Variants in GRM5 observed in about 807,000 individuals in gnomAD.
The protein encoded by GRM5 is metabotropic glutamate receptor 5.
Under a neutral mutation model 83.1 loss-of-function variants are expected in GRM5, and 19 were observed. That is an observed-to-expected ratio of 0.23 (90% confidence interval 0.16 to 0.34). The LOEUF (loss-of-function observed/expected upper bound fraction) is 0.34. Among genes scored for constraint, GRM5 ranks in the 10% least tolerant of loss-of-function variants. The pLI is 1.00. For synonymous variants in GRM5, 675 were observed against 633.6 expected (o/e 1.07, Z -0.98); for missense variants, 1,160 against 1,588.3 (o/e 0.73, Z 4.58).
At chr11:88,713,476 AGTT>A (rs1941327074) in intron 3 of GRM5, among the ~76,000 whole-genome samples, 1 of 152,030 alleles carries the variant, frequency 6.6e-6, no homozygotes, top group African/African-American at 2.4e-5. Context: ...AATGCTGACG[AGTT>A]GTTTATTATT....
rs573608627 is a variant in GRM5 at position 88,809,562 on chromosome 11, T to C, written c.911+40344A>G. On this transcript the variant is annotated intron_variant, in intron 3 of 9. Coordinates refer to ENST00000305447, the MANE Select transcript of GRM5 (RefSeq NM_001143831.3). Reference sequence around the variant, plus strand: ...GTAGGCATGATTAACTTTGCTATATTCTAGAAAATGGAAACCCAGTGATAT... The same window carrying C: ...GTAGGCATGATTAACTTTGCTATATCCTAGAAAATGGAAACCCAGTGATAT... 2.0e-5 allele frequency among the ~76,000 whole-genome samples: 3 copies of C among 152,164 alleles called. No homozygotes were observed. In the South Asian group the frequency reaches 6.2e-4, roughly 32 times the overall value.
intron 3 of GRM5, among the ~76,000 whole-genome samples, chr11:88,735,866 G>T (rs897033263): frequency 6.6e-6 from 1 of 152,040 alleles, no homozygotes; most frequent in East Asian, 1.9e-4. Context: ...CCAAGATCAT[G>T]AAGTGGTGTA....
intron 3 of GRM5, among the ~76,000 whole-genome samples, chr11:88,787,906 G>A (rs112816427): frequency 4.3e-4 from 66 of 152,262 alleles, no homozygotes; most frequent in Non-Finnish European, 8.5e-4. Flanking sequence ...TGATATCCAA[G>A]TGGAGATGTC....
At chr11:88,558,041 C>T (rs1342422795) in intron 8 of GRM5, among the ~76,000 whole-genome samples, 1 of 152,066 alleles carries the variant, frequency 6.6e-6, no homozygotes, top group Non-Finnish European at 1.5e-5. Context: ...ATTGATCTCC[C>T]CCACTACTCT....
chr11:89,023,887 AAATAAAT>A lies in GRM5; in HGVS notation c.661+23318_661+23324del, dbSNP rs1941058123. Among the ~76,000 whole-genome samples, 7 of 148,970 alleles carry A rather than the reference AAATAAAT, an allele frequency of 4.7e-5. No homozygotes were observed. In the South Asian group the frequency reaches 1.3e-3, roughly 27 times the overall value. ...TAAATAAATAAATAAATAAATAAATAAATAAATAAAAATAAATTTTAAAATAATGATC... is the reference window on the plus strand; with the variant it reads ...TAAATAAATAAATAAATAAATAAATAAAAAATAAATTTTAAAATAATGATC... On this transcript the variant is annotated intron_variant, in intron 2 of 9. Coordinates refer to ENST00000305447, the MANE Select transcript of GRM5 (RefSeq NM_001143831.3).
chr11:88,612,763 C>T (rs1938360057), intron 4 of GRM5: 1 of 152,300 alleles, frequency 6.6e-6, no homozygotes, highest in African/African-American at 2.4e-5. Context: ...GCATAAATGT[C>T]TTCTTTTGAG....
At chr11:88,713,170 A>C (rs1014501673) in intron 3 of GRM5, among the ~76,000 whole-genome samples, 3 of 152,064 alleles carry the variant, frequency 2.0e-5, no homozygotes, top group Non-Finnish European at 4.4e-5. Flanking sequence ...TAGTTTAAAA[A>C]AACAAATATT....
At chr11:89,059,052 T>G (rs914993511) in intron 1 of GRM5, among the ~76,000 whole-genome samples, 1 of 152,162 alleles carries the variant, frequency 6.6e-6, no homozygotes, top group Non-Finnish European at 1.5e-5. Context: ...ATAATGAATG[T>G]AAGAAGGTTG....
chr11:88,574,555 T>G (rs900939721), intron 7 of GRM5, among the ~76,000 whole-genome samples: 3 of 152,082 alleles, frequency 2.0e-5, no homozygotes, highest in African/African-American at 7.2e-5. Flanking sequence ...GATCACAAGG[T>G]CAGGAGTTCA....
chr11:88,815,902 C>CATGA (rs2135502786), intron 3 of GRM5, among the ~76,000 whole-genome samples: 1 of 152,226 alleles, frequency 6.6e-6, no homozygotes, highest in African/African-American at 2.4e-5. Context: ...TCAGAGGCTT[C>CATGA]AGCCCCTGCC....
chr11:89,006,624 C>G (rs1278847362), intron 2 of GRM5, among the ~76,000 whole-genome samples: 1 of 152,206 alleles, frequency 6.6e-6, no homozygotes, highest in Non-Finnish European at 1.5e-5. Flanking sequence ...CATTTTCACG[C>G]CTTGCTTTCC....
chr11:88,589,926 A>C (rs1048461772), intron 7 of GRM5, among the ~76,000 whole-genome samples: 1 of 152,190 alleles, frequency 6.6e-6, no homozygotes, highest in African/African-American at 2.4e-5. Flanking sequence ...TTGAAGAAAA[A>C]TTGGAAGACA....
intron 2 of GRM5, among the ~76,000 whole-genome samples, chr11:88,900,958 A>C (rs1945304915): frequency 6.6e-6 from 1 of 152,168 alleles, no homozygotes; most frequent in African/African-American, 2.4e-5. Flanking sequence ...CTTCGATCCC[A>C]TATTTGAAGT....
At position 88,763,646 on chromosome 11, in the gene GRM5, TGTTATTAAA is replaced by T. The variant is rs1331757896; in HGVS notation, c.911+86251_911+86259del. ...TTGTTAAAAGAACAGAATCTCTATA[TGTTATTAAA>T]GTTATTAAAGTTAAACAGGTATAAA... On this transcript the variant is annotated intron_variant, in intron 3 of 9. Transcript: ENST00000305447. Among the ~76,000 whole-genome samples the T allele has an allele frequency of 8.6e-5, 13 of 151,948 alleles. No individual in the cohort carries two copies. The East Asian group carries it at 1.5e-3, about 18-fold the overall frequency.
chr11:89,051,485 A>G (rs887535354), intron 1 of GRM5, among the ~76,000 whole-genome samples: 28 of 151,980 alleles, frequency 1.8e-4, no homozygotes, highest in African/African-American at 5.8e-4. Flanking sequence ...CGAGGCGGGC[A>G]GTTCACTTGA....
intron 3 of GRM5, among the ~76,000 whole-genome samples, chr11:88,736,599 T>C (rs1271714676): frequency 2.6e-5 from 4 of 152,024 alleles, no homozygotes; most frequent in Admixed American, 1.3e-4. Context: ...GTTACAAATA[T>C]GTGAGTGTGA....
chr11:89,017,183 C>T (rs1390557708), intron 2 of GRM5, among the ~76,000 whole-genome samples: 5 of 152,054 alleles, frequency 3.3e-5, no homozygotes, highest in Non-Finnish European at 7.4e-5. Flanking sequence ...TCAGTGCATC[C>T]TTGTTCTGGT....
At chr11:88,951,388 C>T (rs529061217) in intron 2 of GRM5, among the ~76,000 whole-genome samples, 10 of 152,318 alleles carry the variant, frequency 6.6e-5, no homozygotes, top group Admixed American at 3.3e-4. Flanking sequence ...GAAGAACTTT[C>T]GCATACCGGG....
At chr11:89,028,489 AAG>A (rs1185905793) in intron 2 of GRM5, among the ~76,000 whole-genome samples, 3 of 152,140 alleles carry the variant, frequency 2.0e-5, no homozygotes, top group African/African-American at 7.2e-5. Flanking sequence ...GGGACTGAGA[AAG>A]AGGCTGAGAC....
Sources: gnomAD v4.1 joint callset for allele counts (sites outside exome capture counted in the v4.1 genomes callset) on GRCh38, gnomAD v4.1.1 for gene constraint, MANE v1.5 for transcripts, NCBI Gene and HGNC (gene_info 2026-07-23, HGNC 2026-07-21) for gene names.